Variants in PCMT1 observed in about 807,000 individuals in gnomAD.
PCMT1 encodes protein-L-isoaspartate (D-aspartate) O-methyltransferase.
PCMT1 carries 9 observed loss-of-function variants against 29.2 expected under a neutral mutation model. The ratio of observed to expected loss-of-function variants is 0.31; its 90% CI spans 0.19 to 0.54. The LOEUF (loss-of-function observed/expected upper bound fraction) is 0.54, where lower values mean the gene tolerates loss of function less well. Among genes scored for constraint, PCMT1 ranks in the 20% least tolerant of loss-of-function variants. The pLI is 0.95. For synonymous variants in PCMT1, 98 were observed against 97.5 expected (o/e 1.00, Z -0.03); for missense variants, 184 against 282.2 (o/e 0.65, Z 2.49).
In PCMT1 at chr6:149,764,317, A is replaced by G. The variant is rs541880940; in HGVS notation, c.56-6845A>G. On this transcript the variant is annotated intron_variant, in intron 1 of 7. Coordinates refer to ENST00000464889, the MANE Select transcript of PCMT1 (RefSeq NM_001360452.2). ...TAACCTCAATGTTATGATCTGTCAA[A>G]TGAAATAATAATAGTGCCTACTTTA... Among the ~76,000 whole-genome samples, 20 of 152,324 alleles carry G rather than the reference A, an allele frequency of 1.3e-4. 1 individual carries two copies. The highest frequency in any genetic ancestry group is 1.0e-3 in the Admixed American group (16 of 15,288).
In PCMT1 at chr6:149,802,539, C is replaced by G. The variant is rs968231639; in HGVS notation, c.*37+123C>G. The G allele has an allele frequency of 7.9e-6, 10 of 1,273,638 alleles. No individual in the cohort carries two copies. The African/African-American group carries it at 1.5e-4, about 19-fold the overall frequency. 78.9% of individuals were successfully genotyped at this position (1,273,638 alleles called of 1,614,324 possible). ...AAAAATGTGAAAAATGTTGCATGGT[C>G]TGCCCTTATTTTGGTTTAACATATA... On this transcript the variant is annotated intron_variant, in intron 7 of 7. Coordinates refer to ENST00000464889, the MANE Select transcript of PCMT1 (RefSeq NM_001360452.2).
At chr6:149,776,966 T>G (rs1787596663) in intron 3 of PCMT1, among the ~76,000 whole-genome samples, 1 of 152,212 alleles carries the variant, frequency 6.6e-6, no homozygotes, top group Admixed American at 6.5e-5. Context: ...CCATAATATA[T>G]ACATGAGTGC....
intron 3 of PCMT1, among the ~76,000 whole-genome samples, chr6:149,785,237 CCATAATGTCTGGT>C (rs1296800171): frequency 6.4e-4 from 65 of 102,266 alleles, no homozygotes; most frequent in African/African-American, 3.0e-3. Flanking sequence ...ATCAGGAGGT[CCATAATGTCTGGT>C]CATCCACTTT....
Position 149,754,805 on chromosome 6 carries a change from TTAG to T in PCMT1, c.55+4853_55+4855del, listed in dbSNP as rs569353665. Among the ~76,000 whole-genome samples, 42 of 152,342 alleles carry T rather than the reference TTAG, an allele frequency of 2.8e-4. No individual in the cohort carries two copies. The East Asian group carries it at 7.3e-3, about 27-fold the overall frequency. On this transcript the variant is annotated intron_variant, in intron 1 of 7. Transcript: ENST00000464889. ...CTGTCTACACCTGCCCGTTTGTCAC[TTAG>T]TAGCCTATTTGGTTAGCAGTGACTG... is the stretch of plus-strand genomic sequence containing the variant.
chr6:149,753,937 G>A (rs935996948), intron 1 of PCMT1, among the ~76,000 whole-genome samples: 14 of 152,332 alleles, frequency 9.2e-5, no homozygotes, highest in African/African-American at 3.1e-4. Context: ...TTGAGAATTT[G>A]TATTTCTAAC....
intron 7 of PCMT1, among the ~76,000 whole-genome samples, chr6:149,803,319 T>C (rs1337372761): frequency 2.0e-5 from 3 of 152,120 alleles, no homozygotes; most frequent in Admixed American, 1.3e-4. Context: ...AGCCACTGTT[T>C]AAGCTATTCT....
chr6:149,785,962 C>T (rs1164421294), intron 3 of PCMT1, among the ~76,000 whole-genome samples: 2 of 151,096 alleles, frequency 1.3e-5, no homozygotes, highest in African/African-American at 4.9e-5. Context: ...CAGAGGGGCT[C>T]CTCACTTCCC....
At chr6:149,772,303 C>A in intron 2 of PCMT1, 2 of 323,300 alleles carry the variant, frequency 6.2e-6, no homozygotes, top group South Asian at 2.5e-5. Context: ...AGTTAAGAAC[C>A]ACGAAAAGAT....
At chr6:149,794,532 C>T (rs1246593246) in intron 5 of PCMT1, among the ~76,000 whole-genome samples, 3 of 152,140 alleles carry the variant, frequency 2.0e-5, no homozygotes, top group Admixed American at 6.6e-5. Flanking sequence ...GCAGGAGAAT[C>T]GCTTGAACCC....
chr6:149,798,656 C>T (rs1233841333), intron 6 of PCMT1, among the ~76,000 whole-genome samples: 3 of 152,124 alleles, frequency 2.0e-5, no homozygotes, highest in African/African-American at 4.8e-5. Context: ...TACCTGCAGT[C>T]CTGAACTCCA....
At chr6:149,772,742 G>A in intron 2 of PCMT1, 1 of 374,540 alleles carries the variant, frequency 2.7e-6, no homozygotes, top group Non-Finnish European at 5.2e-6. Flanking sequence ...TGAAAGCCGG[G>A]CGTGGTGGCT....
chr6:149,809,400 A>G lies in PCMT1; in HGVS notation c.*38-1216A>G, dbSNP rs1776102860. Among the ~76,000 whole-genome samples, 2 of 152,108 alleles carry G rather than the reference A, an allele frequency of 1.3e-5. 1 individual carries two copies. The highest frequency in any genetic ancestry group is 4.1e-4 in the South Asian group (2 of 4,828). Reference sequence around the variant, plus strand: ...GTTGACCAAATATTTTAATGCCTGCATGAGTTAAGTAAAAGCTGTTCTATG... The same window carrying G: ...GTTGACCAAATATTTTAATGCCTGCGTGAGTTAAGTAAAAGCTGTTCTATG... On this transcript the variant is annotated intron_variant, in intron 7 of 7. Transcript: ENST00000464889.
At chr6:149,779,832 A>AAT (rs1407176130) in intron 3 of PCMT1, among the ~76,000 whole-genome samples, 17 of 151,804 alleles carry the variant, frequency 1.1e-4, no homozygotes, top group Non-Finnish European at 2.9e-5. Flanking sequence ...AAGAAGTATG[A>AAT]ATGCTAAAAG....
chr6:149,811,131 T>C lies in PCMT1; in HGVS notation c.*553T>C, dbSNP rs1776147090. On this transcript the variant is annotated 3_prime_UTR_variant, in exon 8 of 8. Transcript: ENST00000464889. ...GTGTCATAGAATAGCATGTTGTAGA[T>C]ACAATCAGCTGCTTTGTTACCTTAA... The C allele has an allele frequency of 6.5e-6, 1 of 152,788 alleles. No individual in the cohort carries two copies. The highest frequency in any genetic ancestry group is 1.5e-5 in the Non-Finnish European group (1 of 68,430). 9.5% of individuals were successfully genotyped at this position (152,788 alleles called of 1,614,324 possible).
intron 7 of PCMT1, among the ~76,000 whole-genome samples, chr6:149,803,307 C>T (rs1775902543): frequency 6.6e-6 from 1 of 152,022 alleles, no homozygotes; most frequent in Admixed American, 6.6e-5. Context: ...ATAGAATAGG[C>T]CAGCCACTGT....
intron 5 of PCMT1, chr6:149,794,980 G>T: frequency 5.1e-6 from 2 of 393,908 alleles, no homozygotes; most frequent in Non-Finnish European, 1.0e-5. Flanking sequence ...CGGATCACTT[G>T]TCAGGAGTTC....
intron 2 of PCMT1, 23 bp downstream of exon 2, chr6:149,771,289 TATC>T: frequency 1.5e-6 from 2 of 1,351,546 alleles, no homozygotes; most frequent in Middle Eastern, 1.8e-4. Flanking sequence ...TTTCTGAAAA[TATC>T]ATAGTTTTCA....
intron 4 of PCMT1, among the ~76,000 whole-genome samples, chr6:149,792,416 G>A (rs193297693): frequency 6.6e-6 from 1 of 152,200 alleles, no homozygotes; most frequent in East Asian, 1.9e-4. Context: ...GCCTTTATGT[G>A]TTAATTTTTT....
At chr6:149,793,466 C>A in intron 4 of PCMT1, 83 bp from the exon 5 acceptor site, 1 of 1,258,682 alleles carries the variant, frequency 7.9e-7, no homozygotes, top group Non-Finnish European at 1.0e-6. Context: ...TAGAATATGA[C>A]TTTCGATAAG....
Sources: gnomAD v4.1 joint callset for allele counts (sites outside exome capture counted in the v4.1 genomes callset) on GRCh38, gnomAD v4.1.1 for gene constraint, MANE v1.5 for transcripts, NCBI Gene and HGNC (gene_info 2026-07-23, HGNC 2026-07-21) for gene names.